The following LAMA5 variants were observed in gnomAD, a reference collection of about 807,000 sequenced individuals.
LAMA5 encodes laminin subunit alpha 5.
A neutral mutation model predicts 433.4 loss-of-function variants in LAMA5; 260 were observed. That is an observed-to-expected ratio of 0.60 (90% CI 0.54 to 0.66). LAMA5 has a LOEUF of 0.66. LAMA5 is among the 30% of genes least tolerant of loss of function. The pLI, the probability that LAMA5 is intolerant of heterozygous loss-of-function variation, is 0.00. For synonymous variants in LAMA5, 2,620 were observed against 2,226.6 expected, an observed-to-expected ratio of 1.18 and a Z score of -4.97; for missense variants, 5,378 against 5,258.5, an observed-to-expected ratio of 1.02 and a Z score of -0.70.
intron 41 of LAMA5, chr20:62,325,115 G>GATGAGGAGCAGGCA (rs1979034806): frequency 5.6e-6 from 3 of 538,552 alleles, no homozygotes; most frequent in South Asian, 2.4e-5. Context: ...GCAGGCAGGC[G>GATGAGGAGCAGGCA]GACGAGGGGC....
In LAMA5 at chr20:62,311,174, C is replaced by T. The variant is rs748237899; in HGVS notation, c.10076G>A (p.Arg3359Gln). ...GGCCTGGCCTTACCAGTTCCTATGT[C>T]GGGCCAGGATGCCCACAAACTCCAG... ...SHLEFVGILA[R>Q]HRNWPSLSMH... Residue 3359 changes from arginine to glutamine, a missense_variant, in exon 73 of 80, where the codon CGA becomes CAA. By Grantham distance (43) the Arg-to-Gln change is conservative. Transcript: ENST00000252999. The T allele has an allele frequency of 1.1e-5, 17 of 1,597,660 alleles. No individual in the cohort carries two copies. The highest frequency in any genetic ancestry group is 5.6e-5 in the South Asian group (5 of 88,794).
intron 70 of LAMA5, 27 bp from the exon 71 acceptor site, chr20:62,311,811 G>T (rs370365179): frequency 6.4e-7 from 1 of 1,558,402 alleles, no homozygotes; most frequent in South Asian, 1.2e-5. Flanking sequence ...CGGAGGCTCG[G>T]TTTTTCCCCA....
chr20:62,333,195 G>A lies in LAMA5; in HGVS notation c.3177C>T (p.Ala1059=), dbSNP rs200322088. The A allele has an allele frequency of 2.3e-4, 344 of 1,521,512 alleles. No homozygotes were observed. The highest frequency in any genetic ancestry group is 1.3e-3 in the Middle Eastern group (7 of 5,496). The allele number at this position is 1,521,512 out of a possible 1,614,324, so 94.3% of individuals were successfully genotyped here. Reference sequence around the variant, plus strand: ...CCTGGCGACACAGGGCCTCCAGCCCGGCGGCCGAGGGGAAGCCATCCAGGG... The same window carrying A: ...CCTGGCGACACAGGGCCTCCAGCCCAGCGGCCGAGGGGAAGCCATCCAGGG... ...HLPLDGFPSA[A]GLEALCRQDN... is the part of the protein sequence containing the mutation. Residue 1059 remains alanine (A), a synonymous_variant, in exon 26 of 80, where the codon GCC becomes GCT. Transcript: ENST00000252999.
At chr20:62,355,885 C>T (rs1985140303) in intron 2 of LAMA5, among the ~76,000 whole-genome samples, 1 of 152,160 alleles carries the variant, frequency 6.6e-6, no homozygotes, top group South Asian at 2.1e-4. Flanking sequence ...GCTGGCAACA[C>T]AGCCCCTCCC....
rs764539746 is a variant in LAMA5 at position 62,315,198 on chromosome 20, C to T, written c.7877G>A (p.Ser2626Asn). The change falls in exon 59 of 80, where the codon AGC (serine) becomes AAC (asparagine). Residue 2626 changes from serine (S) to asparagine (N), a missense_variant. Coordinates refer to ENST00000252999, the MANE Select transcript of LAMA5 (RefSeq NM_005560.6). The stretch of plus-strand genomic sequence containing the variant: ...AGCCTTGGCATGTGCGATCTTCTTG[C>T]TTGTCTCGTCTGTGGTGGGCAGAGG... Reference protein sequence around the residue: ...AMLAMDTDETSKKIAHAKAVA... With the variant: ...AMLAMDTDETNKKIAHAKAVA... The T allele has an allele frequency of 4.4e-6, 7 of 1,606,288 alleles. No homozygotes were observed. Among genetic ancestry groups the T allele is most frequent in the Non-Finnish European group, 5.9e-6 (7 of 1,176,802 alleles).
chr20:62,340,515 T>G (rs1224642448), intron 11 of LAMA5, among the ~76,000 whole-genome samples: 1 of 151,398 alleles, frequency 6.6e-6, no homozygotes, highest in Non-Finnish European at 1.5e-5. Context: ...TTCTCCATGT[T>G]GGTCAGGCTC....
intron 11 of LAMA5, among the ~76,000 whole-genome samples, chr20:62,339,990 G>A (rs1982329259): frequency 6.6e-6 from 1 of 152,138 alleles, no homozygotes; most frequent in Non-Finnish European, 1.5e-5. Flanking sequence ...GTGGTAAACC[G>A]AGAGCTGTGT....
chr20:62,333,398 G>A lies in LAMA5; in HGVS notation c.3105C>T (p.Pro1035=), dbSNP rs765797856. The stretch of plus-strand genomic sequence containing the variant: ...ACTTGTCGCCAGACTGCTGGGCAGA[G>A]GGACGGTATGTGCAGGCCTCAGTCA... The part of the protein sequence containing the change: ...LRVTEACTYR[P]SAQQSGDNCL... Residue 1035 remains proline, a synonymous_variant, in exon 25 of 80, where the codon CCC becomes CCT. Coordinates refer to ENST00000252999, the MANE Select transcript of LAMA5 (RefSeq NM_005560.6). The A allele has an allele frequency of 2.2e-5, 35 of 1,612,600 alleles. 1 individual carries two copies. In the South Asian group the frequency reaches 3.5e-4, roughly 16 times the overall value.
chr20:62,360,746 CTG>C (rs1986035169), intron 2 of LAMA5, among the ~76,000 whole-genome samples: 1 of 151,416 alleles, frequency 6.6e-6, no homozygotes, highest in South Asian at 2.1e-4. Flanking sequence ...GTTGGTGAAA[CTG>C]AGGCTGTGAG....
intron 32 of LAMA5, 122 bp downstream of exon 32, chr20:62,329,655 G>C (rs1979981108): frequency 9.4e-6 from 12 of 1,276,066 alleles, no homozygotes; most frequent in Non-Finnish European, 1.3e-5. Flanking sequence ...GAGCTGCTTT[G>C]CTGGGCACAA....
At chr20:62,327,021 G>C in intron 38 of LAMA5, 55 bp from the exon 39 acceptor site, 1 of 1,355,680 alleles carries the variant, frequency 7.4e-7, no homozygotes, top group Non-Finnish European at 1.0e-6. Flanking sequence ...CAGGCTCAGA[G>C]CCCGTCAGCA....
At chr20:62,317,217 G>T in intron 55 of LAMA5, 128 bp downstream of exon 55, 1 of 1,226,114 alleles carries the variant, frequency 8.2e-7, no homozygotes, top group South Asian at 1.6e-5. Context: ...GTGGAGCTGA[G>T]GAAGGCCTGG....
In LAMA5 at chr20:62,320,631, C is replaced by T. The variant is rs755470007; in HGVS notation, c.6687G>A (p.Thr2229=). 9.9e-6 allele frequency: 16 copies of T among 1,609,902 alleles called. No homozygotes were observed. Among genetic ancestry groups the T allele is most frequent in the African/African-American group, 1.3e-5 (1 of 74,894 alleles). The change falls in exon 50 of 80, where the codon ACG becomes ACA. Residue 2229 remains threonine (T), a synonymous_variant. Transcript: ENST00000252999. The part of the protein sequence containing the change: ...LRSPLGPRHE[T]AQQLEVLEQQ... The stretch of plus-strand genomic sequence containing the variant: ...GCTCCAGCACCTCCAGCTGCTGTGC[C>T]GTCTCATGGCGGGGGCCCAGGGGGC...
rs779411240 is a variant in LAMA5 at position 62,310,970 on chromosome 20, T to C, written c.10213A>G (p.Met3405Val). The C allele has an allele frequency of 3.7e-6, 6 of 1,611,440 alleles. No homozygotes were observed. In the East Asian group the frequency reaches 1.1e-4, roughly 30 times the overall value. ...FLSNGHFVAQMEGLGTRLRAQ... is the reference protein window; with the variant it reads ...FLSNGHFVAQVEGLGTRLRAQ... ...CGGAGCCGAGTCCCGAGGCCTTCCATCTGTGCAACGAAGTGGCCATTGCTC... is the reference window on the plus strand; with the variant it reads ...CGGAGCCGAGTCCCGAGGCCTTCCACCTGTGCAACGAAGTGGCCATTGCTC... Residue 3405 changes from methionine to valine, a missense_variant, in exon 74 of 80, where the codon ATG (methionine) becomes GTG (valine). Physicochemically the swap from Met to Val is conservative, Grantham distance 21. Coordinates refer to ENST00000252999, the MANE Select transcript of LAMA5 (RefSeq NM_005560.6).
intron 48 of LAMA5, among the ~76,000 whole-genome samples, chr20:62,321,755 T>TGGGGCCAGGGGAGGGGG (rs1568919026): frequency 2.2e-4 from 1 of 4,590 alleles, no homozygotes; most frequent in Non-Finnish European, 4.4e-4. Context: ...AGTGGAGGGG[T>TGGGGCCAGGGGAGGGGG]GGGGTCAGTG....
intron 22 of LAMA5, 30 bp from the exon 23 acceptor site, chr20:62,334,069 T>C: frequency 6.2e-7 from 1 of 1,600,156 alleles, no homozygotes; most frequent in Non-Finnish European, 8.5e-7. Flanking sequence ...CGGGTCACTC[T>C]CCCTGACCAC....
At chr20:62,316,843 G>GC in intron 56 of LAMA5, 39 bp downstream of exon 56, 1 of 1,539,982 alleles carries the variant, frequency 6.5e-7, no homozygotes, top group Non-Finnish European at 8.8e-7. Context: ...GGCAGTGGGG[G>GC]CGCTCCTGCT....
chr20:62,312,078 C>T (rs749419560), intron 69 of LAMA5, 28 bp from the exon 70 acceptor site: 171 of 1,609,558 alleles, frequency 1.1e-4, no homozygotes, highest in Non-Finnish European at 1.3e-4. Context: ...GTCAGCCGGC[C>T]GGCCTGGGGA....
At chr20:62,350,491 T>C (rs1984126780) in intron 6 of LAMA5, among the ~76,000 whole-genome samples, 1 of 152,116 alleles carries the variant, frequency 6.6e-6, no homozygotes, top group African/African-American at 2.4e-5. Context: ...GGAGTGAACC[T>C]TTGTCCTGTC....
Sources: gnomAD v4.1 joint callset for allele counts (sites outside exome capture counted in the v4.1 genomes callset) on GRCh38, gnomAD v4.1.1 for gene constraint, MANE v1.5 for transcripts, NCBI Gene and HGNC (gene_info 2026-07-23, HGNC 2026-07-21) for gene names.